The following NREP variants were observed in gnomAD, a reference collection of about 807,000 sequenced individuals.
NREP encodes neuronal regeneration related protein.
Under a neutral mutation model 8.6 loss-of-function variants are expected in NREP, and 5 were observed. That is an observed-to-expected ratio of 0.58 (90% confidence interval 0.30 to 1.22). NREP has a LOEUF of 1.22. NREP is among the 50% of genes most tolerant of loss of function. The pLI is 0.07. For synonymous variants in NREP, 27 were observed against 28.0 expected (o/e 0.96, Z 0.11); for missense variants, 86 against 82.5 (o/e 1.04, Z -0.17).
intron 2 of NREP, chr5:111,949,100 C>G (rs946471090): frequency 6.6e-6 from 1 of 152,088 alleles, no homozygotes. Context: ...TTTGTTTCCT[C>G]AACCAGCAAT....
At chr5:111,830,010 A>C (rs1390892191) in intron 2 of NREP, among the ~76,000 whole-genome samples, 1 of 152,122 alleles carries the variant, frequency 6.6e-6, no homozygotes, top group East Asian at 1.9e-4. Flanking sequence ...TGTAATTAGC[A>C]CTGCCACTCA....
At chr5:111,822,891 A>G (rs1329704412) in intron 2 of NREP, among the ~76,000 whole-genome samples, 1 of 152,262 alleles carries the variant, frequency 6.6e-6, no homozygotes, top group Non-Finnish European at 1.5e-5. Flanking sequence ...ACTGGAATCA[A>G]TAAATAAGAA....
intron 1 of NREP, 178 bp from the exon 2 acceptor site, chr5:111,756,008 AACTAAGGG>A: frequency 7.2e-7 from 1 of 1,390,202 alleles, no homozygotes; most frequent in Non-Finnish European, 9.3e-7. Flanking sequence ...CTATAGGCTT[AACTAAGGG>A]ACAAAGGAAT....
downstream of NREP, chr5:111,729,033 G>A (rs1449331773): frequency 1.3e-5 from 2 of 148,220 alleles, no homozygotes; most frequent in Admixed American, 6.7e-5. Context: ...GGGAGAAAAA[G>A]TGTAGAAATA....
chr5:111,876,982 G>T (rs553189962), intron 2 of NREP, among the ~76,000 whole-genome samples: 1 of 152,102 alleles, frequency 6.6e-6, no homozygotes, highest in African/African-American at 2.4e-5. Context: ...ATGCTAAGTT[G>T]CTTCTCATTC....
At chr5:111,864,126 G>C (rs903165851) in intron 2 of NREP, among the ~76,000 whole-genome samples, 18 of 152,208 alleles carry the variant, frequency 1.2e-4, no homozygotes, top group Admixed American at 4.6e-4. Context: ...ATCTACCAAA[G>C]ACCGCAATAC....
intron 2 of NREP, among the ~76,000 whole-genome samples, chr5:111,848,473 C>G (rs1006376202): frequency 6.6e-6 from 1 of 152,028 alleles, no homozygotes; most frequent in Non-Finnish European, 1.5e-5. Context: ...ACACACCTGC[C>G]TGTTTAAAAT....
At chr5:111,968,234 T>G (rs561010230) in intron 2 of NREP, among the ~76,000 whole-genome samples, 1 of 152,298 alleles carries the variant, frequency 6.6e-6, no homozygotes, top group African/African-American at 2.4e-5. Context: ...AAAAAGGTAC[T>G]TCAGGTTTAA....
Position 111,882,631 on chromosome 5 carries a change from C to T in NREP, c.135+92643G>A, listed in dbSNP as rs966247103. On this transcript the variant is annotated intron_variant, in intron 2 of 3. Transcript: ENST00000395634. Reference sequence around the variant, plus strand: ...AGCCCATCAGACTAACAGCTGATCTCTCGGCAGAAACTCTACAAGCCAGAA... The same window carrying T: ...AGCCCATCAGACTAACAGCTGATCTTTCGGCAGAAACTCTACAAGCCAGAA... 1.7e-3 allele frequency among the ~76,000 whole-genome samples: 260 copies of T among 152,340 alleles called. 3 individuals carry two copies. Among genetic ancestry groups the T allele is most frequent in the African/African-American group, 6.1e-3 (253 of 41,570 alleles).
intron 2 of NREP, among the ~76,000 whole-genome samples, chr5:111,953,097 G>A (rs1468878987): frequency 6.6e-6 from 1 of 152,066 alleles, no homozygotes; most frequent in Non-Finnish European, 1.5e-5. Context: ...ATCTTACTAA[G>A]TAGCCCTCTT....
chr5:111,967,618 C>A (rs543405575), intron 2 of NREP, among the ~76,000 whole-genome samples: 1 of 152,068 alleles, frequency 6.6e-6, no homozygotes, highest in Non-Finnish European at 1.5e-5. Context: ...CTGTGAGGAA[C>A]GCCTCTGCCC....
At chr5:111,912,286 C>T (rs1159606438) in intron 2 of NREP, among the ~76,000 whole-genome samples, 20 of 152,006 alleles carry the variant, frequency 1.3e-4, no homozygotes, top group Admixed American at 1.3e-3. Flanking sequence ...AAAACCCACC[C>T]TGGCAAAATG....
intron 2 of NREP, among the ~76,000 whole-genome samples, chr5:111,772,312 T>C (rs1237350968): frequency 2.6e-5 from 4 of 152,108 alleles, no homozygotes; most frequent in Non-Finnish European, 5.9e-5. Context: ...GAATAGAAGG[T>C]TTTTTGTTTG....
intron 2 of NREP, among the ~76,000 whole-genome samples, chr5:111,854,333 C>A (rs1011910471): frequency 3.3e-5 from 5 of 152,168 alleles, no homozygotes; most frequent in Non-Finnish European, 5.9e-5. Context: ...CGGGGCCAAC[C>A]TTTCCTTGGC....
chr5:111,886,831 G>C (rs548950746), intron 2 of NREP, among the ~76,000 whole-genome samples: 214 of 151,764 alleles, frequency 1.4e-3, no homozygotes, highest in African/African-American at 5.0e-3. Context: ...GTGGGGTTGG[G>C]GGACGGGGGA....
chr5:111,889,069 T>C (rs1754330524), intron 2 of NREP, among the ~76,000 whole-genome samples: 1 of 152,228 alleles, frequency 6.6e-6, no homozygotes. Flanking sequence ...AGATGTTCAT[T>C]GTATTAGGCT....
intron 2 of NREP, among the ~76,000 whole-genome samples, chr5:111,749,473 G>A (rs529698261): frequency 4.6e-5 from 7 of 151,810 alleles, no homozygotes; most frequent in African/African-American, 7.2e-5. Flanking sequence ...CTCGATTTTC[G>A]TCTATCATGT....
chr5:111,847,112 CT>C (rs568810532), intron 2 of NREP, among the ~76,000 whole-genome samples: 13,554 of 144,214 alleles, frequency 0.094, 1,003 homozygotes, highest in African/African-American at 0.22. Flanking sequence ...ACATGACACA[CT>C]TTTTTTTTTT....
chr5:111,928,504 G>C (rs1450846155), intron 2 of NREP, among the ~76,000 whole-genome samples: 3 of 152,112 alleles, frequency 2.0e-5, no homozygotes, highest in Non-Finnish European at 4.4e-5. Flanking sequence ...TCTGACTTCT[G>C]AATTCCAGTT....
Sources: allele counts gnomAD v4.1 joint callset (sites outside exome capture counted in the v4.1 genomes callset), GRCh38; gene constraint gnomAD v4.1.1; transcripts MANE v1.5; gene names NCBI Gene and HGNC (gene_info 2026-07-23, HGNC 2026-07-21).